GAREM1: variants seen among roughly 807,000 people sequenced by gnomAD.
GAREM1 encodes GRB2 associated regulator of MAPK1 subtype 1.
In GAREM1, 26 loss-of-function variants were observed where a neutral mutation model predicts 71.3. The observed-to-expected ratio is 0.36, with a 90% confidence interval of 0.27 to 0.51. GAREM1 has a LOEUF of 0.51. GAREM1 is among the 20% of genes least tolerant of loss of function. The pLI, the probability that GAREM1 is intolerant of heterozygous loss-of-function variation, is 0.95. For synonymous variants in GAREM1, 440 were observed against 433.2 expected (o/e 1.02, Z -0.20); for missense variants, 1,026 against 1,103.1 (o/e 0.93, Z 0.99).
At chr18:32,269,343 T>C (rs1254064871) in intron 5 of GAREM1, among the ~76,000 whole-genome samples, 1 of 152,214 alleles carries the variant, frequency 6.6e-6, no homozygotes, top group African/African-American at 2.4e-5. Context: ...AAAAAGTACC[T>C]GCAAAGAGAG....
At chr18:32,322,938 G>C (rs1319918445) in intron 2 of GAREM1, among the ~76,000 whole-genome samples, 1 of 152,198 alleles carries the variant, frequency 6.6e-6, no homozygotes, top group Non-Finnish European at 1.5e-5. Context: ...GTCCAAACTA[G>C]AAACTGAATA....
At chr18:32,348,779 T>C (rs191849164) in intron 2 of GAREM1, among the ~76,000 whole-genome samples, 327 of 152,306 alleles carry the variant, frequency 2.1e-3, no homozygotes, top group African/African-American at 7.6e-3. Flanking sequence ...TGTAAAGATG[T>C]AATTTGCCAA....
At chr18:32,384,297 T>G (rs1158308104) in intron 2 of GAREM1, among the ~76,000 whole-genome samples, 5 of 152,136 alleles carry the variant, frequency 3.3e-5, no homozygotes, top group Non-Finnish European at 7.4e-5. Context: ...CATTTAACAC[T>G]GGAACAAAAC....
Position 32,270,897 on chromosome 18 carries a change from G to GTTTTTT in GAREM1, c.1567-520_1567-515dup, listed in dbSNP as rs58914123. Among the ~76,000 whole-genome samples, 587 of 92,598 alleles carry GTTTTTT rather than the reference G, an allele frequency of 6.3e-3. 12 individuals carry two copies. Among genetic ancestry groups the GTTTTTT allele is most frequent in the Middle Eastern group, 0.01 (1 of 96 alleles). 60.7% of individuals were successfully genotyped at this position (92,598 alleles called of 152,430 possible). A position where few individuals can be genotyped will look rare whatever the true frequency, so the allele number is the denominator to read the frequency against. ...TCCTTCTGAAGTCATGTTCAGGGAT[G>GTTTTTT]TTTTTTTTTTTTTTTTTTTTTTGAG... On this transcript the variant is annotated intron_variant, in intron 4 of 5. Transcript: ENST00000269209.
intron 1 of GAREM1, among the ~76,000 whole-genome samples, chr18:32,425,759 T>C (rs1301833988): frequency 6.6e-6 from 1 of 152,188 alleles, no homozygotes; most frequent in African/African-American, 2.4e-5. Context: ...AAGAAATACT[T>C]CTTTTCATCT....
At chr18:32,432,720 A>C (rs1396524721) in intron 1 of GAREM1, among the ~76,000 whole-genome samples, 1 of 152,186 alleles carries the variant, frequency 6.6e-6, no homozygotes, top group Non-Finnish European at 1.5e-5. Flanking sequence ...CTTGAAAATC[A>C]CAAACTGCCA....
intron 1 of GAREM1, among the ~76,000 whole-genome samples, chr18:32,438,922 C>A (rs1163871339): frequency 6.6e-6 from 1 of 152,154 alleles, no homozygotes; most frequent in African/African-American, 2.4e-5. Context: ...AGAAGTAGCA[C>A]AGCTTTCATT....
At chr18:32,458,951 TAAA>T (rs2048926598) in intron 1 of GAREM1, among the ~76,000 whole-genome samples, 1 of 151,992 alleles carries the variant, frequency 6.6e-6, no homozygotes, top group South Asian at 2.1e-4. Flanking sequence ...TAAAATGATG[TAAA>T]AAGGACACAT....
chr18:32,430,620 ACT>A (rs1340695081), intron 1 of GAREM1, among the ~76,000 whole-genome samples: 1 of 152,156 alleles, frequency 6.6e-6, no homozygotes, highest in African/African-American at 2.4e-5. Context: ...CATTCTGAAG[ACT>A]CTAAAAAGTA....
intron 2 of GAREM1, among the ~76,000 whole-genome samples, chr18:32,376,656 G>A (rs2048032799): frequency 6.6e-6 from 1 of 151,906 alleles, no homozygotes; most frequent in Non-Finnish European, 1.5e-5. Context: ...TGACCAACAT[G>A]GCAAAACCCC....
At chr18:32,461,770 A>T (rs1019569620) in intron 1 of GAREM1, among the ~76,000 whole-genome samples, 1 of 152,210 alleles carries the variant, frequency 6.6e-6, no homozygotes, top group African/African-American at 2.4e-5. Flanking sequence ...AACCAGAAAT[A>T]AAAGTTACTT....
rs142531640 is a variant in GAREM1, at chr18:32,469,077, G to A, written c.121+1231C>T. On this transcript the variant is annotated intron_variant, in intron 1 of 5. Transcript: ENST00000269209. ...ACCCTACTACTACCAACAATCAAAC[G>A]AGGATAGCAAGCAAGCCAAGATTGT... is the stretch of plus-strand genomic sequence containing the variant. Among the ~76,000 whole-genome samples, 789 of 150,046 alleles carry A rather than the reference G, an allele frequency of 5.3e-3. 9 individuals carry two copies. The highest frequency in any genetic ancestry group is 0.018 in the African/African-American group (724 of 40,866).
intron 2 of GAREM1, among the ~76,000 whole-genome samples, chr18:32,341,441 A>G (rs2047646735): frequency 6.6e-6 from 1 of 152,140 alleles, no homozygotes; most frequent in African/African-American, 2.4e-5. Context: ...ATAAACATAC[A>G]TGTGCATGTG....
intron 2 of GAREM1, among the ~76,000 whole-genome samples, chr18:32,344,109 G>A (rs999639021): frequency 2.0e-5 from 3 of 152,132 alleles, no homozygotes; most frequent in Admixed American, 6.5e-5. Context: ...CTTGGCAAGT[G>A]GTATTAATAA....
At position 32,469,063 on chromosome 18, in the gene GAREM1, A is replaced by G. The variant is rs138043270; in HGVS notation, c.121+1245T>C. On this transcript the variant is annotated intron_variant, in intron 1 of 5. Transcript: ENST00000269209. The stretch of plus-strand genomic sequence containing the variant: ...CTTATTCCCAATGCACCCTACTACT[A>G]CCAACAATCAAACGAGGATAGCAAG... Among the ~76,000 whole-genome samples, 594 of 149,794 alleles carry G rather than the reference A, an allele frequency of 4.0e-3. 8 individuals are homozygous for G. Among genetic ancestry groups the G allele is most frequent in the African/African-American group, 0.014 (570 of 40,806 alleles).
At chr18:32,418,146 G>C (rs2048481795) in intron 1 of GAREM1, among the ~76,000 whole-genome samples, 1 of 152,108 alleles carries the variant, frequency 6.6e-6, no homozygotes, top group Non-Finnish European at 1.5e-5. Flanking sequence ...AGATGCAAGA[G>C]GAAAGTAGAT....
In GAREM1 at chr18:32,459,760, G is replaced by GT. The variant is rs529828519; in HGVS notation, c.121+10547dup. On this transcript the variant is annotated intron_variant, in intron 1 of 5. Transcript: ENST00000269209. ...CTGGGGACCAGAAATGACAATGTTA[G>GT]TTTTTTTATTCAAACCAACCCTTAC... Among the ~76,000 whole-genome samples the GT allele has an allele frequency of 7.0e-4, 106 of 152,180 alleles. 2 individuals are homozygous for GT. The South Asian group carries it at 0.02, about 29-fold the overall frequency.
chr18:32,279,140 T>A (rs1055158260), intron 4 of GAREM1, among the ~76,000 whole-genome samples: 9 of 152,182 alleles, frequency 5.9e-5, no homozygotes, highest in Non-Finnish European at 1.0e-4. Flanking sequence ...TATACTTAAG[T>A]AGTGTATAAC....
At chr18:32,457,231 G>A (rs1425363317) in intron 1 of GAREM1, among the ~76,000 whole-genome samples, 156 of 147,696 alleles carry the variant, frequency 1.1e-3, no homozygotes, top group African/African-American at 3.8e-3. Context: ...GAGAGAGTGT[G>A]TGTGTGTGTG....
Sources: gnomAD v4.1 joint callset for allele counts (sites outside exome capture counted in the v4.1 genomes callset) on GRCh38, gnomAD v4.1.1 for gene constraint, MANE v1.5 for transcripts, NCBI Gene and HGNC (gene_info 2026-07-23, HGNC 2026-07-21) for gene names.